Variants in ZSCAN26 observed in about 807,000 individuals in gnomAD.
The protein encoded by ZSCAN26 is zinc finger and SCAN domain containing 26.
A neutral mutation model predicts 23.0 loss-of-function variants in ZSCAN26; 26 were observed. The ratio of observed to expected loss-of-function variants is 1.13; its 90% CI spans 0.83 to 1.57. ZSCAN26 has a LOEUF of 1.57. ZSCAN26 is among the 40% of genes most tolerant of loss of function. The probability of loss-of-function intolerance (pLI) is 0.00; values close to 1 mark genes in which losing one functional copy is unlikely to be tolerated. For synonymous variants in ZSCAN26, 180 were observed against 202.5 expected (o/e 0.89, Z 0.94); for missense variants, 528 against 568.5 (o/e 0.93, Z 0.72).
chr6:28,268,546 C>G (rs779702548), intron 1 of ZSCAN26, among the ~76,000 whole-genome samples: 1 of 152,132 alleles, frequency 6.6e-6, no homozygotes, highest in South Asian at 2.1e-4. Flanking sequence ...ATTGGTGTCT[C>G]AGACCAGTCT....
chr6:28,276,311 T>C lies in ZSCAN26; in HGVS notation c.655T>C (p.Leu219=). 3 of 1,613,968 alleles carry C rather than the reference T, an allele frequency of 1.9e-6. No individual in the cohort carries two copies. Among genetic ancestry groups the C allele is most frequent in the Non-Finnish European group, 2.5e-6 (3 of 1,179,880 alleles). The change falls in exon 4 of 4, where the codon TTG becomes CTG. Residue 219 remains leucine, a synonymous_variant. Transcript: ENST00000421553. ...GGAGGCTCATAATGAGGGCTCTAAC[T>C]TGGAAAGGCATCAGGCCAAGCCCAA... is the stretch of plus-strand genomic sequence containing the variant. ...PMEAHNEGSN[L]ERHQAKPKEK... is the part of the protein sequence containing the mutation.
At chr6:28,276,044 A>G in intron 3 of ZSCAN26, 151 bp from the exon 4 acceptor site, 1 of 674,080 alleles carries the variant, frequency 1.5e-6, no homozygotes, top group Non-Finnish European at 2.5e-6. Flanking sequence ...CTTGTGTACC[A>G]TTCTGTAACT....
chr6:28,269,600 G>C (rs1761598481), intron 1 of ZSCAN26, among the ~76,000 whole-genome samples: 1 of 152,118 alleles, frequency 6.6e-6, no homozygotes, highest in African/African-American at 2.4e-5. Context: ...AAGGCCATAG[G>C]CTTGAGATTC....
chr6:28,274,450 T>C (rs1761855636), intron 3 of ZSCAN26, among the ~76,000 whole-genome samples: 1 of 152,152 alleles, frequency 6.6e-6, no homozygotes, highest in Admixed American at 6.5e-5. Context: ...GATGGGTGTA[T>C]AGTTTAAATA....
intron 2 of ZSCAN26, 97 bp from the exon 3 acceptor site, chr6:28,272,573 T>C: frequency 8.8e-7 from 1 of 1,132,638 alleles, no homozygotes; most frequent in Non-Finnish European, 1.2e-6. Flanking sequence ...GGGGTTTCTC[T>C]TTCTTCTCTT....
At chr6:28,272,464 C>A in intron 2 of ZSCAN26, 125 bp downstream of exon 2, 1 of 1,245,542 alleles carries the variant, frequency 8.0e-7, no homozygotes, top group Non-Finnish European at 1.1e-6. Flanking sequence ...TCCAGTCTAG[C>A]TGTTAATTTC....
intron 3 of ZSCAN26, among the ~76,000 whole-genome samples, chr6:28,273,941 G>A (rs1761829592): frequency 2.0e-5 from 3 of 151,860 alleles, no homozygotes; most frequent in South Asian, 2.1e-4. Context: ...GGCTGGTCTC[G>A]AACTCCTGGT....
intron 1 of ZSCAN26, among the ~76,000 whole-genome samples, chr6:28,268,563 C>G (rs117642789): frequency 1.4e-4 from 21 of 152,144 alleles, no homozygotes; most frequent in East Asian, 1.2e-3. Context: ...GTCTGTTTGT[C>G]ACAGTGGTCT....
In ZSCAN26 at chr6:28,276,810, A is replaced by G. The variant is rs1306962810; in HGVS notation, c.1154A>G (p.His385Arg). ...AGTCAGGCCTTACTCCTCACCCACCATCAGAGAATCCATAGTCACTCCAAA... is the reference window on the plus strand; with the variant it reads ...AGTCAGGCCTTACTCCTCACCCACCGTCAGAGAATCCATAGTCACTCCAAA... Reference protein sequence around the residue: ...TFSQALLLTHHQRIHSHSKSH... With the variant: ...TFSQALLLTHRQRIHSHSKSH... Residue 385 changes from histidine (H) to arginine (R), a missense_variant, in exon 4 of 4, where the codon CAT becomes CGT. Transcript: ENST00000421553. 7.4e-6 allele frequency: 12 copies of G among 1,613,888 alleles called. No individual in the cohort carries two copies. The East Asian group carries it at 1.3e-4, about 18-fold the overall frequency.
At chr6:28,270,411 G>A (rs1392871753) in intron 1 of ZSCAN26, among the ~76,000 whole-genome samples, 2 of 152,154 alleles carry the variant, frequency 1.3e-5, no homozygotes, top group Non-Finnish European at 2.9e-5. Context: ...CTGATCTATA[G>A]GGATACTCAA....
Position 28,276,926 on chromosome 6 carries a change from A to C in ZSCAN26, c.1270A>C (p.Lys424Gln), listed in dbSNP as rs763923028. 1.9e-6 allele frequency: 3 copies of C among 1,614,026 alleles called. No individual in the cohort carries two copies. The highest frequency in any genetic ancestry group is 2.5e-6 in the Non-Finnish European group (3 of 1,179,878). Reference sequence around the variant, plus strand: ...AATTCATACTGGAGAAAAACCTTTCAAGTGTAACATATGCCAGAAAGCCTT... The same window carrying C: ...AATTCATACTGGAGAAAAACCTTTCCAGTGTAACATATGCCAGAAAGCCTT... The part of the protein sequence containing the change: ...HRIHTGEKPF[K>Q]CNICQKAFRL... The change falls in exon 4 of 4, where the codon AAG (lysine) becomes CAG (glutamine). Residue 424 changes from lysine to glutamine, a missense_variant. Lys to Gln is a moderately conservative substitution (Grantham distance 53, BLOSUM62 1). Coordinates refer to ENST00000421553, the MANE Select transcript of ZSCAN26 (RefSeq NM_001023560.4).
chr6:28,272,657 T>C lies in ZSCAN26; in HGVS notation c.421-13T>C. Reference sequence around the variant, plus strand: ...ATATCTAATTATGCCTCCATATACCTAATTGTCCCTAGGACCCAGACCAGC... The same window carrying C: ...ATATCTAATTATGCCTCCATATACCCAATTGTCCCTAGGACCCAGACCAGC... On this transcript the variant is annotated splice_polypyrimidine_tract_variant and intron_variant, in intron 2 of 3. Coordinates refer to ENST00000421553, the MANE Select transcript of ZSCAN26 (RefSeq NM_001023560.4). 1.3e-6 allele frequency: 2 copies of C among 1,577,556 alleles called. No homozygotes were observed. The highest frequency in any genetic ancestry group is 1.7e-6 in the Non-Finnish European group (2 of 1,160,390).
chr6:28,273,555 CA>C (rs11412535), intron 3 of ZSCAN26, among the ~76,000 whole-genome samples: 19 of 144,606 alleles, frequency 1.3e-4, no homozygotes, highest in South Asian at 2.2e-4. Context: ...AACAAACAAA[CA>C]AAAAAAAAAA....
In ZSCAN26 at chr6:28,276,212, G is replaced by A; in HGVS notation, c.556G>A (p.Glu186Lys). 6.2e-7 allele frequency: 1 copy of A among 1,610,704 alleles called. No individual in the cohort carries two copies. The highest frequency in any genetic ancestry group is 8.5e-7 in the Non-Finnish European group (1 of 1,178,026). Reference protein sequence around the residue: ...EKEKGEETRIENGKLIVVTDS... With the variant: ...EKEKGEETRIKNGKLIVVTDS... ...TATTGCAGGTGAGGAGACAAGGATTGAGAATGGGAAGCTTATTGTAGTAAC... is the reference window on the plus strand; with the variant it reads ...TATTGCAGGTGAGGAGACAAGGATTAAGAATGGGAAGCTTATTGTAGTAAC... The change falls in exon 4 of 4, where the codon GAG becomes AAG. Residue 186 changes from glutamate to lysine, a missense_variant. Physicochemically the swap from Glu to Lys is moderately conservative, Grantham distance 56 (BLOSUM62 1). Transcript: ENST00000421553.
intron 1 of ZSCAN26, among the ~76,000 whole-genome samples, chr6:28,271,609 G>A (rs1205233763): frequency 1.3e-5 from 2 of 152,272 alleles, no homozygotes; most frequent in South Asian, 4.1e-4. Flanking sequence ...GATGACAAGT[G>A]TAAGCCACAG....
chr6:28,269,061 C>T (rs1761568874), intron 1 of ZSCAN26, among the ~76,000 whole-genome samples: 2 of 151,456 alleles, frequency 1.3e-5, no homozygotes, highest in South Asian at 2.1e-4. Context: ...TGCAGTAAGC[C>T]AAGATTGCGC....
At chr6:28,273,991 C>T (rs1761830733) in intron 3 of ZSCAN26, among the ~76,000 whole-genome samples, 1 of 152,064 alleles carries the variant, frequency 6.6e-6, no homozygotes, top group African/African-American at 2.4e-5. Context: ...ACAGTGCTGG[C>T]ATTATAGGTG....
At chr6:28,275,508 T>G (rs1049039726) in intron 3 of ZSCAN26, among the ~76,000 whole-genome samples, 3 of 152,200 alleles carry the variant, frequency 2.0e-5, no homozygotes, top group Non-Finnish European at 4.4e-5. Flanking sequence ...TACAGTCTCT[T>G]GGGGCATTGT....
Position 28,276,980 on chromosome 6 carries a change from G to A in ZSCAN26, c.1324G>A (p.Val442Ile). 1.2e-6 allele frequency: 2 copies of A among 1,614,036 alleles called. No individual in the cohort carries two copies. The highest frequency in any genetic ancestry group is 1.7e-6 in the Non-Finnish European group (2 of 1,179,878). Residue 442 changes from valine (V) to isoleucine (I), a missense_variant, in exon 4 of 4, where the codon GTA (valine) becomes ATA (isoleucine). Physicochemically the swap from Val to Ile is conservative, Grantham distance 29. Transcript: ENST00000421553. Reference sequence around the variant, plus strand: ...ACTAAACTCACACCTTGCTCAGCATGTAAGAATCCACAATGAAGAAAAACC... The same window carrying A: ...ACTAAACTCACACCTTGCTCAGCATATAAGAATCCACAATGAAGAAAAACC... Reference protein sequence around the residue: ...FRLNSHLAQHVRIHNEEKPYQ... With the variant: ...FRLNSHLAQHIRIHNEEKPYQ...
Sources: gnomAD v4.1 joint callset for allele counts (sites outside exome capture counted in the v4.1 genomes callset) on GRCh38, gnomAD v4.1.1 for gene constraint, MANE v1.5 for transcripts, NCBI Gene and HGNC (gene_info 2026-07-23, HGNC 2026-07-21) for gene names.